Variants in ABI3BP observed in about 807,000 individuals in gnomAD.
ABI3BP encodes the protein ABI family member 3 binding protein.
In ABI3BP, 216 loss-of-function variants were observed where a neutral mutation model predicts 268.6. That is an observed-to-expected ratio of 0.80 (90% CI 0.72 to 0.90). The LOEUF (loss-of-function observed/expected upper bound fraction) is 0.90, where lower values mean the gene tolerates loss of function less well. Among genes scored for constraint, ABI3BP ranks in the 40% least tolerant of loss-of-function variants. The pLI is 0.00. For synonymous variants in ABI3BP, 730 were observed against 730.0 expected (o/e 1.00, Z 0.00); for missense variants, 2,090 against 2,182.4 (o/e 0.96, Z 0.84).
In ABI3BP at chr3:100,885,072, C is replaced by G. The variant is rs192714050; in HGVS notation, c.696+464G>C. ...CTGGTTCATAAAACGCAAACATTGTCTGAACTGAACAGAGACTGGGCATTT... is the reference window on the plus strand; with the variant it reads ...CTGGTTCATAAAACGCAAACATTGTGTGAACTGAACAGAGACTGGGCATTT... On this transcript the variant is annotated intron_variant, in intron 6 of 67. Coordinates refer to ENST00000471714, the MANE Select transcript of ABI3BP (RefSeq NM_001375547.2). Among the ~76,000 whole-genome samples, 54 of 152,154 alleles carry G rather than the reference C, an allele frequency of 3.5e-4. 1 individual carries two copies. In the East Asian group the frequency reaches 6.2e-3, roughly 17 times the overall value.
At chr3:100,972,815 T>A (rs576224177) in intron 1 of ABI3BP, among the ~76,000 whole-genome samples, 18 of 152,322 alleles carry the variant, frequency 1.2e-4, no homozygotes, top group African/African-American at 4.3e-4. Context: ...GATTCCACAT[T>A]TGCAAATGTT....
intron 2 of ABI3BP, among the ~76,000 whole-genome samples, chr3:100,915,022 G>A (rs1428910889): frequency 6.6e-6 from 1 of 152,138 alleles, no homozygotes; most frequent in Non-Finnish European, 1.5e-5. Context: ...CCTAAAAAGA[G>A]TGCCATTGAA....
chr3:100,950,274 C>T (rs1222951952), intron 1 of ABI3BP, among the ~76,000 whole-genome samples: 1 of 152,024 alleles, frequency 6.6e-6, no homozygotes, highest in Non-Finnish European at 1.5e-5. Context: ...CAAACACATA[C>T]AATAGTTTTT....
At chr3:100,922,589 T>C (rs1349394125) in intron 2 of ABI3BP, among the ~76,000 whole-genome samples, 3 of 148,226 alleles carry the variant, frequency 2.0e-5, no homozygotes, top group African/African-American at 7.4e-5. Context: ...ATGGTGATGG[T>C]GATGTGACGT....
chr3:100,970,165 C>T (rs1006062606), intron 1 of ABI3BP, among the ~76,000 whole-genome samples: 9 of 152,290 alleles, frequency 5.9e-5, no homozygotes, highest in Admixed American at 2.0e-4. Flanking sequence ...CTTATCCATA[C>T]GCATTCTCCT....
chr3:100,860,809 G>T (rs371670484), intron 14 of ABI3BP, among the ~76,000 whole-genome samples: 30 of 152,238 alleles, frequency 2.0e-4, no homozygotes, highest in African/African-American at 6.3e-4. Context: ...AAGATGAAAG[G>T]GATCTAAAAG....
chr3:100,907,431 T>A (rs931474767), intron 2 of ABI3BP, among the ~76,000 whole-genome samples: 1 of 152,138 alleles, frequency 6.6e-6, no homozygotes, highest in East Asian at 1.9e-4. Flanking sequence ...GAGGCACAGG[T>A]TGCAGTGAGC....
intron 51 of ABI3BP, among the ~76,000 whole-genome samples, chr3:100,803,145 A>G (rs1354077305): frequency 6.8e-6 from 1 of 146,058 alleles, no homozygotes; most frequent in African/African-American, 2.4e-5. Flanking sequence ...AGGTGACAGA[A>G]GACCACTAAG....
At chr3:100,868,806 A>T (rs531317456) in intron 9 of ABI3BP, among the ~76,000 whole-genome samples, 1 of 152,372 alleles carries the variant, frequency 6.6e-6, no homozygotes, top group African/African-American at 2.4e-5. Context: ...ACTTTTTAAA[A>T]ATCTAGCATA....
intron 3 of ABI3BP, 151 bp downstream of exon 3, chr3:100,902,467 C>T: frequency 1.6e-6 from 1 of 629,430 alleles, no homozygotes; most frequent in Non-Finnish European, 2.7e-6. Flanking sequence ...TGTGTTACTT[C>T]TCCAAAAGGG....
In ABI3BP at chr3:100,848,833, C is replaced by T. The variant is rs200430556; in HGVS notation, c.1544G>A (p.Arg515His). 37 of 1,612,882 alleles carry T rather than the reference C, an allele frequency of 2.3e-5. No homozygotes were observed. Among genetic ancestry groups the T allele is most frequent in the Admixed American group, 1.5e-4 (9 of 59,942 alleles). ...GGTTCTTGGCGGTTTGGGCCGGGGGCGTCGTTTAGGTGTAGAAGGGATAGA... is the reference window on the plus strand; with the variant it reads ...GGTTCTTGGCGGTTTGGGCCGGGGGTGTCGTTTAGGTGTAGAAGGGATAGA... ...TTSIPSTPKR[R>H]PRPKPPRTKP... Residue 515 changes from arginine (R) to histidine (H), a missense_variant, in exon 18 of 68, where the codon CGC becomes CAC. Physicochemically the swap from Arg to His is conservative, Grantham distance 29. Transcript: ENST00000471714.
At chr3:100,784,379 G>A (rs2096961433) in intron 57 of ABI3BP, among the ~76,000 whole-genome samples, 1 of 152,106 alleles carries the variant, frequency 6.6e-6, no homozygotes, top group Non-Finnish European at 1.5e-5. Flanking sequence ...AAAAACAATA[G>A]ATGAGATGGC....
intron 24 of ABI3BP, 103 bp from the exon 25 acceptor site, chr3:100,838,567 C>T: frequency 3.1e-6 from 3 of 975,642 alleles, no homozygotes; most frequent in East Asian, 2.6e-5. Flanking sequence ...TTCAACGAAT[C>T]TATAAACATT....
At chr3:100,773,558 A>G (rs527911573) in intron 61 of ABI3BP, among the ~76,000 whole-genome samples, 1 of 152,364 alleles carries the variant, frequency 6.6e-6, no homozygotes, top group South Asian at 2.1e-4. Flanking sequence ...AAAATGTTAT[A>G]TAAACACTTA....
chr3:100,877,813 C>T (rs1185550031), intron 6 of ABI3BP, among the ~76,000 whole-genome samples: 1 of 152,174 alleles, frequency 6.6e-6, no homozygotes, highest in Non-Finnish European at 1.5e-5. Context: ...AGCTGCTTAC[C>T]AGATAGGTGT....
intron 62 of ABI3BP, among the ~76,000 whole-genome samples, chr3:100,767,555 T>C (rs1167088113): frequency 1.3e-5 from 2 of 151,192 alleles, no homozygotes; most frequent in African/African-American, 4.9e-5. Flanking sequence ...GGGATATTTG[T>C]TAGAAAAAGA....
At chr3:100,947,721 G>A (rs2073135394) in intron 1 of ABI3BP, among the ~76,000 whole-genome samples, 1 of 152,070 alleles carries the variant, frequency 6.6e-6, no homozygotes, top group Non-Finnish European at 1.5e-5. Flanking sequence ...CAGAATAAGG[G>A]AATGGAGTAA....
chr3:100,770,684 C>G (rs1243310114), intron 62 of ABI3BP, 59 bp downstream of exon 62: 2 of 1,383,884 alleles, frequency 1.4e-6, no homozygotes, highest in Admixed American at 5.7e-5. Context: ...GTACCCCACT[C>G]CCAGGGTATC....
intron 57 of ABI3BP, among the ~76,000 whole-genome samples, chr3:100,784,386 T>C (rs1324907545): frequency 1.3e-5 from 2 of 151,936 alleles, no homozygotes; most frequent in African/African-American, 2.4e-5. Flanking sequence ...ATAGATGAGA[T>C]GGCGTGGATG....
Sources: gnomAD v4.1 joint callset for allele counts (sites outside exome capture counted in the v4.1 genomes callset) on GRCh38, gnomAD v4.1.1 for gene constraint, MANE v1.5 for transcripts, NCBI Gene and HGNC (gene_info 2026-07-23, HGNC 2026-07-21) for gene names.